LANCL2: variants seen among roughly 807,000 people sequenced by gnomAD.
LANCL2 encodes the protein lanC-like protein 2.
LANCL2 carries 33 observed loss-of-function variants against 56.9 expected under a neutral mutation model. The ratio of observed to expected loss-of-function variants is 0.58; its 90% confidence interval spans 0.44 to 0.78. The LOEUF is 0.78. LANCL2 is among the 30% of genes least tolerant of loss of function. The pLI is 0.00. For synonymous variants in LANCL2, 233 were observed against 228.2 expected, an observed-to-expected ratio of 1.02 and a Z score of -0.19; for missense variants, 562 against 580.2, an observed-to-expected ratio of 0.97 and a Z score of 0.32.
At chr7:55,381,647 C>T (rs532449185) in intron 1 of LANCL2, among the ~76,000 whole-genome samples, 8 of 152,256 alleles carry the variant, frequency 5.3e-5, no homozygotes, top group South Asian at 4.2e-4. Context: ...TCTTACCCCT[C>T]GGAGTTTTTA....
At chr7:55,399,429 C>T (rs542411930) in intron 3 of LANCL2, among the ~76,000 whole-genome samples, 8 of 151,652 alleles carry the variant, frequency 5.3e-5, no homozygotes, top group East Asian at 1.9e-4. Context: ...CTGCAACGTC[C>T]GCCTCCTGGG....
At chr7:55,430,691 G>GT (rs1790717880) in intron 8 of LANCL2, among the ~76,000 whole-genome samples, 1 of 152,236 alleles carries the variant, frequency 6.6e-6, no homozygotes, top group Non-Finnish European at 1.5e-5. Flanking sequence ...AGTGGGGACA[G>GT]GAGACCTGGA....
intron 2 of LANCL2, among the ~76,000 whole-genome samples, chr7:55,392,669 G>A (rs1486970988): frequency 6.6e-6 from 1 of 151,926 alleles, no homozygotes; most frequent in Non-Finnish European, 1.5e-5. Flanking sequence ...TTTTAATTGA[G>A]GTCTTGCTCT....
chr7:55,418,318 A>G (rs1790568468), intron 6 of LANCL2, among the ~76,000 whole-genome samples: 1 of 151,854 alleles, frequency 6.6e-6, no homozygotes, highest in African/African-American at 2.4e-5. Flanking sequence ...AGCTGGGATT[A>G]CAGGTGTGCA....
intron 5 of LANCL2, among the ~76,000 whole-genome samples, chr7:55,408,979 C>CAA (rs35907460): frequency 1.7e-5 from 2 of 116,102 alleles, no homozygotes; most frequent in Non-Finnish European, 3.6e-5. Flanking sequence ...AACTCTGTCT[C>CAA]AAAAAAAAAA....
intron 1 of LANCL2, among the ~76,000 whole-genome samples, chr7:55,390,561 G>A (rs780813329): frequency 2.8e-4 from 42 of 151,930 alleles, no homozygotes; most frequent in Non-Finnish European, 5.1e-4. Flanking sequence ...AGCCAAGATC[G>A]CACCATTGCA....
intron 5 of LANCL2, among the ~76,000 whole-genome samples, chr7:55,409,019 C>T (rs997237475): frequency 1.3e-5 from 2 of 148,390 alleles, no homozygotes; most frequent in Admixed American, 1.3e-4. Context: ...AGGTTATGTA[C>T]AAAGTCCAAA....
chr7:55,389,246 A>T (rs1020200947), intron 1 of LANCL2, among the ~76,000 whole-genome samples: 31 of 152,134 alleles, frequency 2.0e-4, no homozygotes, highest in African/African-American at 7.2e-4. Context: ...CTGCAGGAAT[A>T]AATGGGGTCT....
chr7:55,373,950 G>T (rs1451555466), intron 1 of LANCL2, among the ~76,000 whole-genome samples: 3 of 152,178 alleles, frequency 2.0e-5, no homozygotes, highest in Non-Finnish European at 4.4e-5. Flanking sequence ...AACAAACCGA[G>T]TTTCTTTTTC....
At chr7:55,416,473 G>A (rs555511014) in intron 6 of LANCL2, among the ~76,000 whole-genome samples, 2 of 152,068 alleles carry the variant, frequency 1.3e-5, no homozygotes, top group African/African-American at 4.8e-5. Context: ...TTTTTGTAGG[G>A]GTCTTGTTTT....
chr7:55,376,856 G>A (rs915573436), intron 1 of LANCL2, among the ~76,000 whole-genome samples: 3 of 152,144 alleles, frequency 2.0e-5, no homozygotes, highest in South Asian at 2.1e-4. Flanking sequence ...CACATGGAAA[G>A]CATTATTTGT....
chr7:55,377,374 A>G (rs909127389), intron 1 of LANCL2, among the ~76,000 whole-genome samples: 5 of 152,210 alleles, frequency 3.3e-5, no homozygotes, highest in Admixed American at 6.5e-5. Context: ...TTTCAAGAAT[A>G]TAACTGGTGT....
At chr7:55,366,306 A>T (rs1789867215) in intron 1 of LANCL2, 77 bp downstream of exon 1, 1 of 1,279,700 alleles carries the variant, frequency 7.8e-7, no homozygotes, top group East Asian at 3.0e-5. Flanking sequence ...GCCAGGCGTG[A>T]CGTCACAGGC....
chr7:55,367,788 G>A (rs1361935420), intron 1 of LANCL2, among the ~76,000 whole-genome samples: 2 of 150,526 alleles, frequency 1.3e-5, no homozygotes, highest in Non-Finnish European at 2.9e-5. Flanking sequence ...GTCTGAATTA[G>A]ATGAAGCATA....
chr7:55,415,003 A>AAAAG lies in LANCL2; in HGVS notation c.1008+2918_1008+2921dup, dbSNP rs1562868039. Among the ~76,000 whole-genome samples the AAAAG allele has an allele frequency of 9.2e-5, 7 of 76,222 alleles. 1 individual carries two copies. Among genetic ancestry groups the AAAAG allele is most frequent in the African/African-American group, 1.3e-4 (3 of 22,756 alleles). The allele number at this position is 76,222 out of a possible 152,430, so 50.0% of individuals were successfully genotyped here. On this transcript the variant is annotated intron_variant, in intron 6 of 8. Coordinates refer to ENST00000254770, the MANE Select transcript of LANCL2 (RefSeq NM_018697.4). ...TACCTCAAAAAAAAAAAAAAAAAAG[A>AAAAG]AAAGAAAAGAAAAAGGCAAGGTTTT...
chr7:55,420,099 TC>T (rs1790592613), intron 6 of LANCL2, among the ~76,000 whole-genome samples: 1 of 106,774 alleles, frequency 9.4e-6, no homozygotes, highest in African/African-American at 3.2e-5. Context: ...AAATAAAATT[TC>T]TTTCTATGGA....
At chr7:55,381,133 A>C (rs1053376983) in intron 1 of LANCL2, among the ~76,000 whole-genome samples, 1 of 152,006 alleles carries the variant, frequency 6.6e-6, no homozygotes, top group Non-Finnish European at 1.5e-5. Context: ...GGTTTCCCAA[A>C]GTGCTGGGAT....
chr7:55,367,936 T>C (rs555080869), intron 1 of LANCL2, among the ~76,000 whole-genome samples: 38 of 152,380 alleles, frequency 2.5e-4, no homozygotes, highest in Middle Eastern at 6.8e-3. Flanking sequence ...TCTTCTATTT[T>C]TACATACAAA....
intron 5 of LANCL2, among the ~76,000 whole-genome samples, chr7:55,405,088 G>A (rs1391738885): frequency 6.6e-6 from 1 of 152,202 alleles, no homozygotes; most frequent in Admixed American, 6.5e-5. Flanking sequence ...ACGCAACCAT[G>A]GAGTCCCAGA....
Sources: gnomAD v4.1 joint callset for allele counts (sites outside exome capture counted in the v4.1 genomes callset) on GRCh38, gnomAD v4.1.1 for gene constraint, MANE v1.5 for transcripts, NCBI Gene and HGNC (gene_info 2026-07-23, HGNC 2026-07-21) for gene names.